SERPINA5: variants seen among roughly 807,000 people sequenced by gnomAD.
The protein encoded by SERPINA5 is plasma serine protease inhibitor.
Under a neutral mutation model 25.3 loss-of-function variants are expected in SERPINA5, and 25 were observed. The ratio of observed to expected loss-of-function variants is 0.99; its 90% CI spans 0.72 to 1.38. The LOEUF is 1.38. SERPINA5 is among the 40% of genes most tolerant of loss of function. The pLI, the probability that SERPINA5 is intolerant of heterozygous loss-of-function variation, is 0.00. For synonymous variants in SERPINA5, 234 were observed against 206.2 expected, an observed-to-expected ratio of 1.14 and a Z score of -1.16; for missense variants, 599 against 509.5, an observed-to-expected ratio of 1.18 and a Z score of -1.69.
chr14:94,592,529 T>C lies in SERPINA5; in HGVS notation c.*290T>C, dbSNP rs923325471. On this transcript the variant is annotated 3_prime_UTR_variant, in exon 6 of 6. Transcript: ENST00000329597. ...TTGCTCAAGTTCACCAGCATGGTAG[T>C]GGCAAAGAGAGGTCCAGAGTCCTGG... 1 of 331,786 alleles carries C rather than the reference T, an allele frequency of 3.0e-6. No individual in the cohort carries two copies. The highest frequency in any genetic ancestry group is 5.5e-6 in the Non-Finnish European group (1 of 180,392). The allele number at this position is 331,786 out of a possible 1,614,324, so 20.6% of individuals were successfully genotyped here.
intron 5 of SERPINA5, among the ~76,000 whole-genome samples, chr14:94,591,261 C>A (rs541929027): frequency 5.5e-5 from 8 of 144,832 alleles, no homozygotes; most frequent in African/African-American, 7.7e-5. Context: ...CACTCCACTC[C>A]TCCACTCCAC....
rs1413554567 is a variant in SERPINA5, at chr14:94,587,813, A to T, written c.451A>T (p.Thr151Ser). The T allele has an allele frequency of 1.9e-6, 3 of 1,613,832 alleles. No individual in the cohort carries two copies. The highest frequency in any genetic ancestry group is 2.5e-6 in the Non-Finnish European group (3 of 1,179,838). The change falls in exon 3 of 6, where the codon ACG becomes TCG. Residue 151 changes from threonine (T) to serine (S), a missense_variant. By Grantham distance (58) the Thr-to-Ser change is moderately conservative. Coordinates refer to ENST00000329597, the MANE Select transcript of SERPINA5 (RefSeq NM_000624.6). ...GGACACCTTCGTAAGTGCCATGAAGACGCTGTACCTGGCAGACACTTTCCC... is the reference window on the plus strand; with the variant it reads ...GGACACCTTCGTAAGTGCCATGAAGTCGCTGTACCTGGCAGACACTTTCCC... Reference protein sequence around the residue: ...LQDTFVSAMKTLYLADTFPTN... With the variant: ...LQDTFVSAMKSLYLADTFPTN...
At chr14:94,585,184 C>T (rs970055662) in intron 2 of SERPINA5, among the ~76,000 whole-genome samples, 1 of 152,204 alleles carries the variant, frequency 6.6e-6, no homozygotes, top group Non-Finnish European at 1.5e-5. Flanking sequence ...TCTCTCTGAA[C>T]CTCGGATTAC....
intron 3 of SERPINA5, among the ~76,000 whole-genome samples, chr14:94,588,787 T>G (rs909846027): frequency 1.3e-5 from 2 of 152,164 alleles, no homozygotes; most frequent in Admixed American, 6.5e-5. Flanking sequence ...CACTGGCAGA[T>G]GCAGTGCCCA....
Position 94,587,792 on chromosome 14 carries a change from A to G in SERPINA5, c.430A>G (p.Thr144Ala), listed in dbSNP as rs1885145674. 1 of 1,614,018 alleles carries G rather than the reference A, an allele frequency of 6.2e-7. No homozygotes were observed. Among genetic ancestry groups the G allele is most frequent in the Non-Finnish European group, 8.5e-7 (1 of 1,180,044 alleles). ...CGACCTGGTGGTAGACCTGCAGGAC[A>G]CCTTCGTAAGTGCCATGAAGACGCT... ...FTDLVVDLQD[T>A]FVSAMKTLYL... The change falls in exon 3 of 6, where the codon ACC (threonine) becomes GCC (alanine). Residue 144 changes from threonine to alanine, a missense_variant. By Grantham distance (58) the Thr-to-Ala change is moderately conservative. Coordinates refer to ENST00000329597, the MANE Select transcript of SERPINA5 (RefSeq NM_000624.6).
At chr14:94,583,584 C>T (rs1171483016) in intron 2 of SERPINA5, among the ~76,000 whole-genome samples, 2 of 152,178 alleles carry the variant, frequency 1.3e-5, no homozygotes, top group Non-Finnish European at 2.9e-5. Flanking sequence ...ACAGCTGAGT[C>T]CAGGGTAGAA....
In SERPINA5 at chr14:94,591,972, T is replaced by C. The variant is rs1007534081; in HGVS notation, c.1039-85T>C. ...AGTTGAACAGATACTTAGAGGTTGA[T>C]GCCCATAGGCAGAAGCTTTGCCATT... On this transcript the variant is annotated intron_variant, in intron 5 of 5. Transcript: ENST00000329597. 16 of 1,423,938 alleles carry C rather than the reference T, an allele frequency of 1.1e-5. No individual in the cohort carries two copies. In the Admixed American group the frequency reaches 3.3e-4, roughly 29 times the overall value. The allele number at this position is 1,423,938 out of a possible 1,614,324, so 88.2% of individuals were successfully genotyped here. A position where few individuals can be genotyped will look rare whatever the true frequency, so the allele number is the denominator to read the frequency against.
At chr14:94,589,942 G>T (rs568781824) in intron 3 of SERPINA5, 99 bp from the exon 4 acceptor site, 2 of 1,222,874 alleles carry the variant, frequency 1.6e-6, no homozygotes, top group Admixed American at 5.4e-5. Context: ...GATGGTCTCC[G>T]CTGGCTATCT....
At chr14:94,591,569 A>ATTCTATTCTATTCTATTCTATTC (rs1885298600) in intron 5 of SERPINA5, among the ~76,000 whole-genome samples, 6 of 147,906 alleles carry the variant, frequency 4.1e-5, no homozygotes, top group African/African-American at 1.5e-4. Context: ...ATTCTATTCT[A>ATTCTATTCTATTCTATTCTATTC]TTCTATTCTA....
At chr14:94,591,954 C>A in intron 5 of SERPINA5, 103 bp from the exon 6 acceptor site, 1 of 1,281,530 alleles carries the variant, frequency 7.8e-7, no homozygotes, top group Non-Finnish European at 1.1e-6. Context: ...CTCAGTTGAA[C>A]AGATACTTAG....
intron 4 of SERPINA5, 125 bp from the exon 5 acceptor site, chr14:94,590,624 T>C (rs779436134): frequency 2.7e-5 from 30 of 1,116,362 alleles, no homozygotes; most frequent in Non-Finnish European, 3.5e-5. Flanking sequence ...CATTGTTCCT[T>C]GGGTTAAGGA....
rs1250460649 is a variant in SERPINA5 at position 94,592,384 on chromosome 14, T to C, written c.*145T>C. The C allele has an allele frequency of 5.0e-6, 4 of 793,034 alleles. No homozygotes were observed. The highest frequency in any genetic ancestry group is 7.9e-6 in the Non-Finnish European group (4 of 506,212). 49.1% of individuals were successfully genotyped at this position (793,034 alleles called of 1,614,324 possible). On this transcript the variant is annotated 3_prime_UTR_variant, in exon 6 of 6. Transcript: ENST00000329597. ...TACAAATAATATTACTCTATGATGA[T>C]TGCTTCCACCCACACGACTGCAACA...
rs1885153293 is a variant in SERPINA5, at chr14:94,587,952, T to G, written c.590T>G (p.Val197Gly). The change falls in exon 3 of 6, where the codon GTG (valine) becomes GGG (glycine). Residue 197 changes from valine to glycine, a missense_variant. Transcript: ENST00000329597. ...AAGAACCTCGATAGCAATGCGGTCG[T>G]GATCATGGTGAATTACATCTTCTTT... ...LLKNLDSNAV[V>G]IMVNYIFFKA... 1.2e-6 allele frequency: 2 copies of G among 1,614,020 alleles called. No homozygotes were observed. The highest frequency in any genetic ancestry group is 2.7e-5 in the African/African-American group (2 of 74,944).
intron 3 of SERPINA5, among the ~76,000 whole-genome samples, 174 bp from the exon 4 acceptor site, chr14:94,589,867 G>A (rs144297644): frequency 6.6e-6 from 1 of 152,292 alleles, no homozygotes; most frequent in Non-Finnish European, 1.5e-5. Context: ...TGTGCCCAAT[G>A]TTATAAAGAG....
At chr14:94,584,141 C>T (rs1311054886) in intron 2 of SERPINA5, among the ~76,000 whole-genome samples, 5 of 152,166 alleles carry the variant, frequency 3.3e-5, no homozygotes, top group African/African-American at 1.2e-4. Context: ...GGTATCACTC[C>T]TCAGAGCCAC....
rs1027954914 is a variant in SERPINA5, at chr14:94,590,314, A to G, written c.890+3A>G. ...TGGCTTAAGATGTTCAAAAAGAGGT[A>G]CTTTCAGACTACCCCAGGGCCAGCC... is the stretch of plus-strand genomic sequence containing the variant. On this transcript the variant is annotated splice_donor_region_variant and intron_variant, in intron 4 of 5. Coordinates refer to ENST00000329597, the MANE Select transcript of SERPINA5 (RefSeq NM_000624.6). The G allele has an allele frequency of 1.9e-6, 3 of 1,585,862 alleles. No homozygotes were observed. Among genetic ancestry groups the G allele is most frequent in the Non-Finnish European group, 2.6e-6 (3 of 1,163,068 alleles).
intron 2 of SERPINA5, among the ~76,000 whole-genome samples, chr14:94,585,764 C>CGTGTGTGTGTGTGTGTGTGT (rs3138588): frequency 1.4e-5 from 2 of 145,774 alleles, no homozygotes; most frequent in Admixed American, 6.9e-5. Context: ...CAGGCTCACA[C>CGTGTGTGTGTGTGTGTGTGT]GTGTGTGTGT....
At chr14:94,587,235 G>A (rs2069974) in intron 2 of SERPINA5, 111 bp from the exon 3 acceptor site, 535,189 of 1,031,128 alleles carry the variant, frequency 0.52, 145,212 homozygotes, top group Middle Eastern at 0.62. Flanking sequence ...CCTTCTCTTT[G>A]AAGCTGAATG....
intron 2 of SERPINA5, among the ~76,000 whole-genome samples, chr14:94,583,408 G>C (rs1490666684): frequency 6.6e-6 from 1 of 152,170 alleles, no homozygotes; most frequent in Non-Finnish European, 1.5e-5. Context: ...GGGCTGGAGT[G>C]GAACAGGAAG....
Sources: gnomAD v4.1 joint callset for allele counts (sites outside exome capture counted in the v4.1 genomes callset) on GRCh38, gnomAD v4.1.1 for gene constraint, MANE v1.5 for transcripts, NCBI Gene and HGNC (gene_info 2026-07-23, HGNC 2026-07-21) for gene names.